PANK1: variants seen among roughly 807,000 people sequenced by gnomAD.
PANK1 encodes pantothenate kinase 1.
A neutral mutation model predicts 40.1 loss-of-function variants in PANK1; 18 were observed. The observed-to-expected ratio is 0.45, with a 90% confidence interval of 0.31 to 0.67. The LOEUF (loss-of-function observed/expected upper bound fraction) is 0.67, where lower values mean the gene tolerates loss of function less well. Ranked by LOEUF, PANK1 falls within the 30% of genes least tolerant of loss-of-function variation. The pLI is 0.06. For synonymous variants in PANK1, 242 were observed against 237.7 expected (o/e 1.02, Z -0.17); for missense variants, 457 against 599.6 (o/e 0.76, Z 2.48).
intron 6 of PANK1, among the ~76,000 whole-genome samples, chr10:89,587,272 C>A (rs1844223968): frequency 6.6e-6 from 1 of 152,234 alleles, no homozygotes; most frequent in South Asian, 2.1e-4. Context: ...TTCTTACCAG[C>A]TGAATTGCTT....
At chr10:89,591,817 T>C (rs1278537610) in intron 5 of PANK1, among the ~76,000 whole-genome samples, 6 of 152,194 alleles carry the variant, frequency 3.9e-5, no homozygotes, top group Non-Finnish European at 8.8e-5. Flanking sequence ...TCAGTTGCTC[T>C]CTCCCAAAGG....
intron 6 of PANK1, 112 bp from the exon 7 acceptor site, chr10:89,584,577 T>C: frequency 2.8e-6 from 2 of 710,996 alleles, no homozygotes; most frequent in South Asian, 1.8e-5. Context: ...AAAACCTAAA[T>C]TGTGTGTCAC....
At chr10:89,594,323 T>A (rs1465527818) in intron 3 of PANK1, among the ~76,000 whole-genome samples, 1 of 152,180 alleles carries the variant, frequency 6.6e-6, no homozygotes, top group African/African-American at 2.4e-5. Flanking sequence ...CAAATCATGA[T>A]CTCTTCTATT....
chr10:89,645,029 G>A lies in PANK1; in HGVS notation c.-138C>T. 6.4e-7 allele frequency: 1 copy of A among 1,566,088 alleles called. No individual in the cohort carries two copies. The highest frequency in any genetic ancestry group is 1.2e-5 in the South Asian group (1 of 86,582). ...CGCAGAGCCGGCGCCTGGGGATGGCGAACCCGGCGCTCCTCCCCTCCTCCT... is the reference window on the plus strand; with the variant it reads ...CGCAGAGCCGGCGCCTGGGGATGGCAAACCCGGCGCTCCTCCCCTCCTCCT... On this transcript the variant is annotated 5_prime_UTR_variant, in exon 1 of 7. Transcript: ENST00000307534.
At chr10:89,591,746 G>A (rs1218858052) in intron 5 of PANK1, among the ~76,000 whole-genome samples, 1 of 152,128 alleles carries the variant, frequency 6.6e-6, no homozygotes, top group Non-Finnish European at 1.5e-5. Context: ...TTTCAAATTG[G>A]CACTCGCTCT....
At chr10:89,620,120 C>A (rs1234866129) in intron 1 of PANK1, among the ~76,000 whole-genome samples, 3 of 152,128 alleles carry the variant, frequency 2.0e-5, no homozygotes, top group African/African-American at 4.8e-5. Flanking sequence ...GGATGTATAT[C>A]CCCTCAGGAC....
At chr10:89,586,290 A>G (rs956355977) in intron 6 of PANK1, among the ~76,000 whole-genome samples, 2 of 152,134 alleles carry the variant, frequency 1.3e-5, no homozygotes, top group Non-Finnish European at 2.9e-5. Context: ...CTAGAACAGG[A>G]GTTTTCTTTT....
At chr10:89,634,709 G>C (rs139090123) in intron 1 of PANK1, among the ~76,000 whole-genome samples, 44 of 152,248 alleles carry the variant, frequency 2.9e-4, no homozygotes, top group African/African-American at 9.6e-4. Context: ...CAAGGGCTGA[G>C]ATATCAAACA....
chr10:89,644,898 G>A lies in PANK1; in HGVS notation c.-7C>T, dbSNP rs776876180. 5.9e-6 allele frequency: 9 copies of A among 1,520,332 alleles called. No individual in the cohort carries two copies. Among genetic ancestry groups the A allele is most frequent in the African/African-American group, 1.4e-5 (1 of 69,174 alleles). 94.2% of individuals were successfully genotyped at this position (1,520,332 alleles called of 1,614,324 possible). A position where few individuals can be genotyped will look rare whatever the true frequency, so the allele number is the denominator to read the frequency against. The stretch of plus-strand genomic sequence containing the variant: ...GCCCGCTGCGGTCGCCCATGCCGGG[G>A]GCTGGCGGGGCTGTGCGCGGGCCCC... On this transcript the variant is annotated 5_prime_UTR_variant, in exon 1 of 7. Coordinates refer to ENST00000307534, the MANE Select transcript of PANK1 (RefSeq NM_148977.3).
At position 89,644,931 on chromosome 10, in the gene PANK1, G is replaced by A. The variant is rs1397291271; in HGVS notation, c.-40C>T. 3 of 1,560,876 alleles carry A rather than the reference G, an allele frequency of 1.9e-6. No homozygotes were observed. Among genetic ancestry groups the A allele is most frequent in the African/African-American group, 2.8e-5 (2 of 70,536 alleles). On this transcript the variant is annotated 5_prime_UTR_variant, in exon 1 of 7. Coordinates refer to ENST00000307534, the MANE Select transcript of PANK1 (RefSeq NM_148977.3). ...GGGCTGTGCGCGGGCCCCGGCTCAGGCGGCCTCGCTGGAGGTCATTCTCCG... is the reference window on the plus strand; with the variant it reads ...GGGCTGTGCGCGGGCCCCGGCTCAGACGGCCTCGCTGGAGGTCATTCTCCG...
At chr10:89,614,745 C>T (rs542139876) in intron 1 of PANK1, among the ~76,000 whole-genome samples, 93 of 151,894 alleles carry the variant, frequency 6.1e-4, no homozygotes, top group Non-Finnish European at 1.1e-3. Flanking sequence ...TGCAGCGAGC[C>T]GAGATTGCAC....
At chr10:89,598,551 T>C (rs930101907) in intron 3 of PANK1, among the ~76,000 whole-genome samples, 6 of 152,208 alleles carry the variant, frequency 3.9e-5, no homozygotes, top group African/African-American at 1.4e-4. Context: ...GAAAACCTAT[T>C]TAGTTTTGTT....
In PANK1 at chr10:89,611,980, T is replaced by C. The variant is rs1268242825; in HGVS notation, c.361A>G (p.Ile121Val). The part of the protein sequence containing the change: ...VKLVYFEPKD[I>V]TAEEEQEEVE... Reference sequence around the variant, plus strand: ...TCCTCTTGCTCCTCTTCGGCTGTAATATCCTTCGGCTCGAAATACACCAAT... The same window carrying C: ...TCCTCTTGCTCCTCTTCGGCTGTAACATCCTTCGGCTCGAAATACACCAAT... Residue 121 changes from isoleucine (I) to valine (V), a missense_variant, in exon 2 of 7, where the codon ATT (isoleucine) becomes GTT (valine). Ile to Val is a conservative substitution (Grantham distance 29, BLOSUM62 3). Around this residue, in one of 4 missense-constraint regions of PANK1, gnomAD observed 286 missense variants for 415.8 expected, o/e 0.69. Transcript: ENST00000307534. The C allele has an allele frequency of 6.2e-7, 1 of 1,614,160 alleles. No individual in the cohort carries two copies. The highest frequency in any genetic ancestry group is 8.5e-7 in the Non-Finnish European group (1 of 1,180,036).
rs116288069 is a variant in PANK1, at chr10:89,606,173, T to A, written c.645+5523A>T. On this transcript the variant is annotated intron_variant, in intron 2 of 6. Transcript: ENST00000307534. Reference sequence around the variant, plus strand: ...GCATAATTCTTAAGGGCCACACGATTTTCAGAATGGTCCATGAGCGTCGGC... The same window carrying A: ...GCATAATTCTTAAGGGCCACACGATATTCAGAATGGTCCATGAGCGTCGGC... Among the ~76,000 whole-genome samples, 260 of 152,312 alleles carry A rather than the reference T, an allele frequency of 1.7e-3. 2 individuals are homozygous for A. Among genetic ancestry groups the A allele is most frequent in the African/African-American group, 5.9e-3 (245 of 41,570 alleles).
chr10:89,622,715 T>TAATC (rs1845528125), intron 1 of PANK1, among the ~76,000 whole-genome samples: 1 of 151,886 alleles, frequency 6.6e-6, no homozygotes, highest in South Asian at 2.1e-4. Context: ...CTGGTGCCTG[T>TAATC]AATCCCAGCT....
chr10:89,643,636 T>A, intron 1 of PANK1: 1 of 1,287,058 alleles, frequency 7.8e-7, no homozygotes, highest in Non-Finnish European at 1.1e-6. Flanking sequence ...ACAATTTCCC[T>A]ATATCGAACA....
chr10:89,598,584 A>C (rs1844678912), intron 3 of PANK1, among the ~76,000 whole-genome samples: 1 of 152,140 alleles, frequency 6.6e-6, no homozygotes, highest in Non-Finnish European at 1.5e-5. Context: ...TCTTAGAGAG[A>C]TCTGACCCTA....
chr10:89,600,961 A>G (rs1001806125), intron 2 of PANK1, among the ~76,000 whole-genome samples: 6 of 152,198 alleles, frequency 3.9e-5, no homozygotes, highest in South Asian at 4.1e-4. Context: ...CTAAAACCCT[A>G]AAAGTTGGTA....
rs1313288613 is a variant in PANK1 at position 89,644,718 on chromosome 10, G to GGGCGCCGCGTCGCTGC, written c.158_173dup (p.Leu61ArgfsTer22). ...GCTCCGGCAGGAGCGGGAGGCGCTG[G>GGGCGCCGCGTCGCTGC]GGCGCCGCGTCGCTGCCGCCCACTG... is the stretch of plus-strand genomic sequence containing the variant. On this transcript the variant is annotated frameshift_variant, in exon 1 of 7. Coordinates refer to ENST00000307534, the MANE Select transcript of PANK1 (RefSeq NM_148977.3). LOFTEE classifies it high-confidence loss of function. The GGGCGCCGCGTCGCTGC allele has an allele frequency of 1.0e-5, 16 of 1,534,470 alleles. No homozygotes were observed. Among genetic ancestry groups the GGGCGCCGCGTCGCTGC allele is most frequent in the Non-Finnish European group, 1.3e-5 (15 of 1,147,442 alleles).
Sources: gnomAD v4.1 joint callset for allele counts (sites outside exome capture counted in the v4.1 genomes callset) on GRCh38, gnomAD v4.1.1 for gene constraint, gnomAD v4.1.1 regional missense constraint, MANE v1.5 for transcripts, NCBI Gene and HGNC (gene_info 2026-07-23, HGNC 2026-07-21) for gene names.